Variants in ZNF540 observed in about 807,000 individuals in gnomAD.
The protein encoded by ZNF540 is zinc finger protein 540.
ZNF540 carries 3 observed loss-of-function variants against 11.8 expected under a neutral mutation model. The ratio of observed to expected loss-of-function variants is 0.25; its 90% confidence interval spans 0.12 to 0.65. The LOEUF (loss-of-function observed/expected upper bound fraction) is 0.65, where lower values mean the gene tolerates loss of function less well. Ranked by LOEUF, ZNF540 falls within the 30% of genes least tolerant of loss-of-function variation. ZNF540 has a pLI of 0.83. For synonymous variants in ZNF540, 247 were observed against 259.0 expected, an observed-to-expected ratio of 0.95 and a Z score of 0.45; for missense variants, 709 against 793.1, an observed-to-expected ratio of 0.89 and a Z score of 1.27.
chr19:37,601,119 T>A lies in ZNF540; in HGVS notation c.232+14T>A. On this transcript the variant is annotated intron_variant, in intron 4 of 4. Transcript: ENST00000316433. ...GACAGTGCCCCGGTGAGTTGAGAGT[T>A]CATCAGGCAGATGGAAGCCCTCATT... 3 of 1,547,670 alleles carry A rather than the reference T, an allele frequency of 1.9e-6. No individual in the cohort carries two copies. Among genetic ancestry groups the A allele is most frequent in the Non-Finnish European group, 2.6e-6 (3 of 1,139,528 alleles).
rs1451238132 is a variant in ZNF540, at chr19:37,613,919, C to T, written c.*656C>T. 4 of 398,336 alleles carry T rather than the reference C, an allele frequency of 1.0e-5. No homozygotes were observed. Among genetic ancestry groups the T allele is most frequent in the Non-Finnish European group, 1.8e-5 (4 of 226,010 alleles). 24.7% of individuals were successfully genotyped at this position (398,336 alleles called of 1,614,324 possible). On this transcript the variant is annotated 3_prime_UTR_variant, in exon 5 of 5. Transcript: ENST00000316433. ...GGAGCCTTCATGAGTGGAATTACTG[C>T]CTTTATAAGAAGAAGCCAAAGAGCC...
chr19:37,574,887 G>C (rs372533546), intron 1 of ZNF540, among the ~76,000 whole-genome samples: 1 of 152,184 alleles, frequency 6.6e-6, no homozygotes, highest in Non-Finnish European at 1.5e-5. Flanking sequence ...CCACAGCCAT[G>C]AGTCGGCCTT....
rs1389903364 is a variant in ZNF540 at position 37,612,417 on chromosome 19, T to C, written c.1137T>C (p.Gly379=). The change falls in exon 5 of 5, where the codon GGT becomes GGC. Residue 379 remains glycine (G), a synonymous_variant. Transcript: ENST00000316433. ...YLTEHRRTHA[G]KKPYECKECG... The stretch of plus-strand genomic sequence containing the variant: ...CTGAACACAGAAGAACTCATGCAGG[T>C]AAGAAACCTTATGAATGTAAGGAGT... 1 of 1,613,928 alleles carries C rather than the reference T, an allele frequency of 6.2e-7. No individual in the cohort carries two copies. The highest frequency in any genetic ancestry group is 1.7e-5 in the Admixed American group (1 of 60,014).
chr19:37,613,735 A>G lies in ZNF540; in HGVS notation c.*472A>G, dbSNP rs1420714947. The G allele has an allele frequency of 5.0e-6, 2 of 398,510 alleles. No individual in the cohort carries two copies. The highest frequency in any genetic ancestry group is 1.3e-4 in the South Asian group (1 of 7,842). 24.7% of individuals were successfully genotyped at this position (398,510 alleles called of 1,614,324 possible). A position where few individuals can be genotyped will look rare whatever the true frequency, so the allele number is the denominator to read the frequency against. On this transcript the variant is annotated 3_prime_UTR_variant, in exon 5 of 5. Transcript: ENST00000316433. ...TGCAATGGAGATGACAAATTTGGAA[A>G]AACCACTCATCACTTACATTTCATG...
chr19:37,552,354 A>G (rs1004649309), intron 1 of ZNF540, among the ~76,000 whole-genome samples: 4 of 152,300 alleles, frequency 2.6e-5, no homozygotes, highest in Middle Eastern at 3.4e-3. Flanking sequence ...TCTTAGGTGG[A>G]CTAGTCTATA....
intron 1 of ZNF540, chr19:37,556,207 A>T (rs1334375459): frequency 8.9e-6 from 6 of 672,062 alleles, no homozygotes; most frequent in African/African-American, 8.8e-5. Flanking sequence ...ACTTCCTTGG[A>T]GGTACTGGCC....
intron 1 of ZNF540, among the ~76,000 whole-genome samples, chr19:37,561,820 A>C (rs1374340201): frequency 6.6e-6 from 1 of 152,220 alleles, no homozygotes; most frequent in Non-Finnish European, 1.5e-5. Context: ...TTTTGCAATT[A>C]TGTTAATCTC....
At chr19:37,555,585 C>T (rs974307034) in intron 1 of ZNF540, 7 of 298,292 alleles carry the variant, frequency 2.3e-5, no homozygotes, top group Admixed American at 9.5e-5. Flanking sequence ...TAGATTTTCT[C>T]GAACTTTTGG....
intron 1 of ZNF540, among the ~76,000 whole-genome samples, chr19:37,568,964 T>C (rs2042964645): frequency 1.3e-5 from 2 of 148,578 alleles, no homozygotes; most frequent in African/African-American, 4.9e-5. Context: ...CAAGGCATCT[T>C]TTTTTTTTTT....
At chr19:37,557,803 A>C (rs113584143) in intron 1 of ZNF540, among the ~76,000 whole-genome samples, 1 of 152,268 alleles carries the variant, frequency 6.6e-6, no homozygotes, top group Non-Finnish European at 1.5e-5. Context: ...TTTGAAGTAA[A>C]GTCTCTATGG....
intron 1 of ZNF540, chr19:37,556,259 G>A (rs2042658694): frequency 4.8e-6 from 3 of 620,992 alleles, no homozygotes; most frequent in Non-Finnish European, 8.6e-6. Flanking sequence ...TTGTGAAAGA[G>A]GTGAGGAGAA....
In ZNF540 at chr19:37,551,833, T is replaced by TGGG. The variant is rs757408022; in HGVS notation, c.-73+174_-73+176dup. On this transcript the variant is annotated intron_variant, in intron 1 of 4. Coordinates refer to the ZNF540 transcript ENST00000592533. ...TGCAAGTGTTGCATGTCTGTGTGTG[T>TGGG]GGGGGGGGTGGTGTCTGGTGAAAAG... is the stretch of plus-strand genomic sequence containing the variant. 1.9e-3 allele frequency among the ~76,000 whole-genome samples: 287 copies of TGGG among 150,086 alleles called. 3 individuals carry two copies. The highest frequency in any genetic ancestry group is 6.8e-3 in the African/African-American group (278 of 40,768).
chr19:37,605,815 A>G (rs1016497454), intron 4 of ZNF540, among the ~76,000 whole-genome samples: 1 of 152,178 alleles, frequency 6.6e-6, no homozygotes, highest in Non-Finnish European at 1.5e-5. Context: ...TTTGCATTTA[A>G]CTAATGACTA....
chr19:37,565,302 A>T (rs1174636067), intron 1 of ZNF540: 23 of 1,611,100 alleles, frequency 1.4e-5, no homozygotes, highest in Non-Finnish European at 1.8e-5. Flanking sequence ...GTAAGTTGTG[A>T]GCCACGAAAA....
chr19:37,581,504 C>T (rs370484997), intron 1 of ZNF540, among the ~76,000 whole-genome samples: 85 of 146,462 alleles, frequency 5.8e-4, no homozygotes, highest in Non-Finnish European at 4.5e-4. Flanking sequence ...CTTGCTCTGT[C>T]GCCCAGGCTG....
At chr19:37,551,568 A>C (rs1322973356) in exon 1 of ZNF540, 1 of 152,266 alleles carries the variant, frequency 6.6e-6, no homozygotes, top group Non-Finnish European at 1.5e-5. Context: ...TCAAGGATGC[A>C]CCGCGTGATC....
At chr19:37,558,338 T>C (rs1332954816) in intron 1 of ZNF540, among the ~76,000 whole-genome samples, 1 of 152,160 alleles carries the variant, frequency 6.6e-6, no homozygotes, top group Admixed American at 6.5e-5. Flanking sequence ...GGAGTTTTCT[T>C]TTAATATCTG....
intron 1 of ZNF540, among the ~76,000 whole-genome samples, chr19:37,580,829 T>C (rs558068632): frequency 4.6e-5 from 7 of 152,296 alleles, no homozygotes; most frequent in African/African-American, 1.7e-4. Context: ...GTGCCATGCT[T>C]CTTGTACAAC....
At position 37,599,640 on chromosome 19, in the gene ZNF540, C is replaced by T; in HGVS notation, c.24C>T (p.Phe8=). Residue 8 remains phenylalanine, a synonymous_variant, in exon 3 of 5, where the codon TTC becomes TTT. Coordinates refer to ENST00000316433, the MANE Select transcript of ZNF540 (RefSeq NM_001172225.3). The part of the protein sequence containing the change: MAHALVT[F]RDVAIDFSQK... ...TATGGTTTCAGGCATTGGTGACGTT[C>T]AGGGATGTGGCTATAGACTTCTCTC... 6.2e-7 allele frequency: 1 copy of T among 1,614,032 alleles called. No homozygotes were observed. The highest frequency in any genetic ancestry group is 8.5e-7 in the Non-Finnish European group (1 of 1,179,946).
Sources: gnomAD v4.1 joint callset for allele counts (sites outside exome capture counted in the v4.1 genomes callset) on GRCh38, gnomAD v4.1.1 for gene constraint, MANE v1.5 for transcripts, NCBI Gene and HGNC (gene_info 2026-07-23, HGNC 2026-07-21) for gene names.